EGFR: variants seen among roughly 807,000 people sequenced by gnomAD.
EGFR encodes the protein epidermal growth factor receptor, also known as avian erythroblastic leukemia viral (v-erb-b) oncogene homolog.
In EGFR, 58 loss-of-function variants were observed where a neutral mutation model predicts 143.0. The observed-to-expected ratio is 0.41, with a 90% CI of 0.33 to 0.50. EGFR has a LOEUF of 0.50. Among genes scored for constraint, EGFR ranks in the 20% least tolerant of loss-of-function variants. EGFR has a pLI of 0.39. For missense variants in EGFR, 1,307 were observed against 1,579.0 expected (o/e 0.83, Z 2.92); for synonymous variants, 613 against 594.4 (o/e 1.03, Z -0.45).
intron 1 of EGFR, among the ~76,000 whole-genome samples, chr7:55,060,735 A>G (rs1469207278): frequency 6.6e-6 from 1 of 152,182 alleles, no homozygotes; most frequent in South Asian, 2.1e-4. Flanking sequence ...CCTTGCTCCC[A>G]GTATAACGAT....
chr7:55,198,606 T>C lies in EGFR; in HGVS notation c.2702-111T>C, dbSNP rs566541197. 7 of 1,539,836 alleles carry C rather than the reference T, an allele frequency of 4.5e-6. No individual in the cohort carries two copies. The African/African-American group carries it at 9.5e-5, about 21-fold the overall frequency. ...AGCAAATTGCCCAAGACTACAGAAA[T>C]GTAGGTTTCTAAACATCAAGAAACA... On this transcript the variant is annotated intron_variant, in intron 22 of 27. Coordinates refer to ENST00000275493, the MANE Select transcript of EGFR (RefSeq NM_005228.5).
chr7:55,171,142 G>T lies in EGFR; in HGVS notation c.1881-33G>T, dbSNP rs781274390. Reference sequence around the variant, plus strand: ...AATATATGCCAAAGAAGTAGAATGAGAAAAATGTATATTTCTCTTTCACTT... The same window carrying T: ...AATATATGCCAAAGAAGTAGAATGATAAAAATGTATATTTCTCTTTCACTT... On this transcript the variant is annotated intron_variant, in intron 15 of 27. Coordinates refer to ENST00000275493, the MANE Select transcript of EGFR (RefSeq NM_005228.5). 10 of 1,613,870 alleles carry T rather than the reference G, an allele frequency of 6.2e-6. No individual in the cohort carries two copies. The South Asian group carries it at 9.9e-5, about 16-fold the overall frequency.
At chr7:55,101,772 A>T (rs2128901782) in intron 1 of EGFR, among the ~76,000 whole-genome samples, 1 of 152,320 alleles carries the variant, frequency 6.6e-6, no homozygotes, top group South Asian at 2.1e-4. Flanking sequence ...TAATATCTCC[A>T]TCTTCTTTCC....
At chr7:55,148,580 T>C (rs998039937) in intron 4 of EGFR, among the ~76,000 whole-genome samples, 7 of 152,176 alleles carry the variant, frequency 4.6e-5, no homozygotes, top group Non-Finnish European at 1.5e-5. Context: ...AGAGAATAAT[T>C]CCTTATTCAA....
chr7:55,199,724 C>T (rs1264574205), intron 23 of EGFR, among the ~76,000 whole-genome samples: 1 of 152,212 alleles, frequency 6.6e-6, no homozygotes, highest in Non-Finnish European at 1.5e-5. Flanking sequence ...TGGGTAGTCA[C>T]ATGCAGCAGC....
intron 22 of EGFR, among the ~76,000 whole-genome samples, chr7:55,194,327 A>C (rs559926002): frequency 6.6e-6 from 1 of 151,428 alleles, no homozygotes; most frequent in Non-Finnish European, 1.5e-5. Context: ...CCCGGGTTCA[A>C]GTGATTCTCC....
chr7:55,133,339 C>T (rs1478368068), intron 1 of EGFR, among the ~76,000 whole-genome samples: 1 of 152,170 alleles, frequency 6.6e-6, no homozygotes, highest in African/African-American at 2.4e-5. Context: ...CTGGGCTGGG[C>T]TGTGCAGTCT....
rs113246395 is a variant in EGFR, at chr7:55,166,917, T to A, written c.1880+1480T>A. 7.5e-5 allele frequency among the ~76,000 whole-genome samples: 7 copies of A among 93,826 alleles called. 1 individual carries two copies. Among genetic ancestry groups the A allele is most frequent in the Non-Finnish European group, 1.5e-4 (7 of 47,334 alleles). The allele number at this position is 93,826 out of a possible 152,430, so 61.6% of individuals were successfully genotyped here. A position where few individuals can be genotyped will look rare whatever the true frequency, so the allele number is the denominator to read the frequency against. Reference sequence around the variant, plus strand: ...TGGTGAGGAGGTGAGAGTCACAATGTTGGTGGTGTTGATGGTGGTGATGGT... The same window carrying A: ...TGGTGAGGAGGTGAGAGTCACAATGATGGTGGTGTTGATGGTGGTGATGGT... On this transcript the variant is annotated intron_variant, in intron 15 of 27. Coordinates refer to ENST00000275493, the MANE Select transcript of EGFR (RefSeq NM_005228.5).
intron 1 of EGFR, among the ~76,000 whole-genome samples, chr7:55,059,862 C>T (rs1012597814): frequency 1.3e-5 from 2 of 152,172 alleles, no homozygotes; most frequent in Non-Finnish European, 2.9e-5. Flanking sequence ...GTCATTCTCA[C>T]CGAGATGTGC....
chr7:55,093,819 C>T (rs560374694), intron 1 of EGFR, among the ~76,000 whole-genome samples: 6 of 152,284 alleles, frequency 3.9e-5, no homozygotes, highest in South Asian at 2.1e-4. Context: ...ACATTTCTCT[C>T]GGGCAGTGTG....
intron 1 of EGFR, among the ~76,000 whole-genome samples, chr7:55,122,896 A>C (rs1450964057): frequency 6.6e-6 from 1 of 152,288 alleles, no homozygotes; most frequent in African/African-American, 2.4e-5. Flanking sequence ...GAGTTCCCTC[A>C]GTGCTGGGGC....
At chr7:55,175,110 C>T (rs1786541184) in intron 19 of EGFR, among the ~76,000 whole-genome samples, 1 of 152,152 alleles carries the variant, frequency 6.6e-6, no homozygotes. Flanking sequence ...TCTTGGTGAG[C>T]CTGGAGCATG....
intron 1 of EGFR, among the ~76,000 whole-genome samples, chr7:55,117,848 G>C (rs941737099): frequency 3.9e-5 from 6 of 152,172 alleles, no homozygotes; most frequent in African/African-American, 1.2e-4. Flanking sequence ...GAAAAGGCTA[G>C]ATTTCCTAGG....
At chr7:55,187,938 C>G (rs1005610244) in intron 20 of EGFR, among the ~76,000 whole-genome samples, 1 of 152,118 alleles carries the variant, frequency 6.6e-6, no homozygotes, top group Non-Finnish European at 1.5e-5. Flanking sequence ...CTCACCTTCT[C>G]CCTAGCTGTG....
In EGFR at chr7:55,152,558, T is replaced by C. The variant is rs1785211053; in HGVS notation, c.641T>C (p.Ile214Thr). ...EENCQKLTKIICAQQCSGRCR... is the reference protein window; with the variant it reads ...EENCQKLTKITCAQQCSGRCR... ...TGCTCTTTTTCAGTGACCAAAATCA[T>C]CTGTGCCCAGCAGTGCTCCGGGCGC... The change falls in exon 6 of 28, where the codon ATC becomes ACC. Residue 214 changes from isoleucine to threonine, a missense_variant. Physicochemically the swap from Ile to Thr is moderately conservative, Grantham distance 89 (BLOSUM62 -1). Transcript: ENST00000275493. The C allele has an allele frequency of 1.2e-6, 2 of 1,614,028 alleles. No individual in the cohort carries two copies. The highest frequency in any genetic ancestry group is 1.7e-6 in the Non-Finnish European group (2 of 1,180,012).
Position 55,150,277 on chromosome 7 carries a change from C to G in EGFR, c.560-1017C>G, listed in dbSNP as rs568252760. The stretch of plus-strand genomic sequence containing the variant: ...TGCTTTTAGCACGCCTGCGTAGGAC[C>G]TTGCTTTCTCTAGACCTCTGTTGCA... On this transcript the variant is annotated intron_variant, in intron 4 of 27. Coordinates refer to ENST00000275493, the MANE Select transcript of EGFR (RefSeq NM_005228.5). Among the ~76,000 whole-genome samples, 8 of 152,326 alleles carry G rather than the reference C, an allele frequency of 5.3e-5. No individual in the cohort carries two copies. In the East Asian group the frequency reaches 1.3e-3, roughly 26 times the overall value.
intron 1 of EGFR, among the ~76,000 whole-genome samples, chr7:55,088,374 C>T (rs943774025): frequency 3.9e-5 from 6 of 152,188 alleles, no homozygotes; most frequent in Non-Finnish European, 7.3e-5. Context: ...TGAAAAAGAG[C>T]GTGGTGCGTC....
intron 15 of EGFR, chr7:55,168,704 T>C: frequency 2.1e-6 from 2 of 962,846 alleles, no homozygotes; most frequent in Non-Finnish European, 3.0e-6. Flanking sequence ...CCTTTTTAGA[T>C]GAGTATATAG....
chr7:55,160,414 G>A, intron 12 of EGFR, 76 bp downstream of exon 12: 1 of 1,422,778 alleles, frequency 7.0e-7, no homozygotes, highest in Non-Finnish European at 9.6e-7. Flanking sequence ...ATATTGAAGG[G>A]CTATTCCCAT....
Sources: gnomAD v4.1 joint callset for allele counts (sites outside exome capture counted in the v4.1 genomes callset) on GRCh38, gnomAD v4.1.1 for gene constraint, MANE v1.5 for transcripts, NCBI Gene and HGNC (gene_info 2026-07-23, HGNC 2026-07-21) for gene names.